ARHGAP42: variants seen among roughly 807,000 people sequenced by gnomAD.
ARHGAP42 encodes Rho GTPase activating protein 42, also known as rho GTPase-activating protein 42.
A neutral mutation model predicts 125.0 loss-of-function variants in ARHGAP42; 63 were observed. The observed-to-expected ratio is 0.50, with a 90% CI of 0.41 to 0.62. The LOEUF is 0.62. Among genes scored for constraint, ARHGAP42 ranks in the 20% least tolerant of loss-of-function variants. The probability of loss-of-function intolerance (pLI) is 0.00; values close to 1 mark genes in which losing one functional copy is unlikely to be tolerated. For missense variants in ARHGAP42, 766 were observed against 1,024.2 expected (o/e 0.75, Z 3.44); for synonymous variants, 339 against 351.0 (o/e 0.97, Z 0.38).
At chr11:100,758,279 A>G (rs552229661) in intron 1 of ARHGAP42, among the ~76,000 whole-genome samples, 65 of 152,270 alleles carry the variant, frequency 4.3e-4, no homozygotes, top group Non-Finnish European at 7.8e-4. Context: ...GGATCCGGGA[A>G]TGTTTTTGTT....
At chr11:100,777,354 A>G (rs1360722771) in intron 2 of ARHGAP42, among the ~76,000 whole-genome samples, 1 of 152,210 alleles carries the variant, frequency 6.6e-6, no homozygotes, top group Admixed American at 6.5e-5. Flanking sequence ...TGATCTGTAG[A>G]TAGAAGCCTG....
chr11:100,796,768 CT>C (rs35175302), intron 3 of ARHGAP42, among the ~76,000 whole-genome samples: 62,496 of 118,738 alleles, frequency 0.53, 16,421 homozygotes, highest in South Asian at 0.68. Context: ...CTTTTTAATT[CT>C]TTTTTTTTTT....
At chr11:100,811,604 A>T (rs987136115) in intron 3 of ARHGAP42, among the ~76,000 whole-genome samples, 1 of 149,986 alleles carries the variant, frequency 6.7e-6, no homozygotes, top group Admixed American at 6.7e-5. Flanking sequence ...GGCTCAAGTG[A>T]TTCTTCTGCC....
intron 8 of ARHGAP42, among the ~76,000 whole-genome samples, chr11:100,937,306 T>C (rs1171399338): frequency 6.6e-6 from 1 of 152,186 alleles, no homozygotes; most frequent in Non-Finnish European, 1.5e-5. Context: ...GGGTACTCTA[T>C]AGTTAGCGCA....
intron 1 of ARHGAP42, among the ~76,000 whole-genome samples, chr11:100,693,162 T>TG (rs1430368657): frequency 6.7e-6 from 1 of 149,232 alleles, no homozygotes; most frequent in Non-Finnish European, 1.5e-5. Flanking sequence ...GCACGTAGGT[T>TG]TTTTTTTTTT....
chr11:100,916,480 G>A lies in ARHGAP42; in HGVS notation c.486+2927G>A, dbSNP rs115728943. Among the ~76,000 whole-genome samples, 1,270 of 152,144 alleles carry A rather than the reference G, an allele frequency of 8.3e-3. 19 individuals carry two copies. The highest frequency in any genetic ancestry group is 0.029 in the African/African-American group (1,199 of 41,518). ...AAGGCAAACAGGCATTGACTAAGGA[G>A]GAAATATAAACTATAATAAAAGTGG... On this transcript the variant is annotated intron_variant, in intron 5 of 23. Transcript: ENST00000298815.
At chr11:100,831,908 T>C (rs1864671237) in intron 3 of ARHGAP42, among the ~76,000 whole-genome samples, 1 of 152,236 alleles carries the variant, frequency 6.6e-6, no homozygotes, top group Non-Finnish European at 1.5e-5. Context: ...GACAGGAACT[T>C]CAGAACAAAA....
At chr11:100,765,778 C>G (rs1295039685) in intron 1 of ARHGAP42, among the ~76,000 whole-genome samples, 1 of 152,160 alleles carries the variant, frequency 6.6e-6, no homozygotes, top group Admixed American at 6.6e-5. Flanking sequence ...ACACATATAT[C>G]GAGACAGATT....
intron 3 of ARHGAP42, among the ~76,000 whole-genome samples, chr11:100,851,436 G>GC (rs1453182355): frequency 1.3e-5 from 2 of 152,154 alleles, no homozygotes; most frequent in Non-Finnish European, 2.9e-5. Context: ...CATCATAGCT[G>GC]CCTTAACATC....
At chr11:100,831,106 A>T (rs891808701) in intron 3 of ARHGAP42, among the ~76,000 whole-genome samples, 4 of 152,110 alleles carry the variant, frequency 2.6e-5, no homozygotes, top group Admixed American at 6.5e-5. Flanking sequence ...TCCTGTTTCC[A>T]CTATGTTCTA....
chr11:100,855,685 T>C (rs571416692), intron 3 of ARHGAP42, among the ~76,000 whole-genome samples: 46 of 152,180 alleles, frequency 3.0e-4, no homozygotes, highest in African/African-American at 1.0e-3. Flanking sequence ...TTAGAACCAC[T>C]TGAAATAGCA....
At chr11:100,948,793 CTCA>C (rs1370076203) in intron 11 of ARHGAP42, among the ~76,000 whole-genome samples, 2 of 152,078 alleles carry the variant, frequency 1.3e-5, no homozygotes, top group Non-Finnish European at 2.9e-5. Flanking sequence ...ATTACTTACA[CTCA>C]TCACCTTGGC....
chr11:100,907,179 A>T (rs1242882871), intron 4 of ARHGAP42, among the ~76,000 whole-genome samples: 4 of 152,224 alleles, frequency 2.6e-5, no homozygotes. Flanking sequence ...AGAGCATCCA[A>T]CTGATATAAT....
intron 1 of ARHGAP42, among the ~76,000 whole-genome samples, chr11:100,690,655 GGT>G (rs1277515900): frequency 3.3e-5 from 5 of 152,112 alleles, no homozygotes; most frequent in Non-Finnish European, 5.9e-5. Flanking sequence ...GGAGTGCAGT[GGT>G]GCGATCTCGG....
chr11:100,822,966 G>T (rs1304818759), intron 3 of ARHGAP42, among the ~76,000 whole-genome samples: 3 of 152,038 alleles, frequency 2.0e-5, no homozygotes, highest in Non-Finnish European at 4.4e-5. Flanking sequence ...GTGTTTGCTG[G>T]TACTCTCATG....
At chr11:100,887,969 C>G (rs954072462) in intron 4 of ARHGAP42, among the ~76,000 whole-genome samples, 3 of 152,216 alleles carry the variant, frequency 2.0e-5, no homozygotes, top group Admixed American at 1.3e-4. Context: ...TATCCAATCC[C>G]GCTTCTGGAG....
intron 10 of ARHGAP42, among the ~76,000 whole-genome samples, chr11:100,944,155 CATGAAGGAAT>C (rs1867956008): frequency 6.6e-6 from 1 of 151,996 alleles, no homozygotes; most frequent in African/African-American, 2.4e-5. Context: ...TCCCCATCAT[CATGAAGGAAT>C]CCAATGGCAT....
At chr11:100,771,163 C>T (rs2134990543) in intron 2 of ARHGAP42, among the ~76,000 whole-genome samples, 1 of 152,220 alleles carries the variant, frequency 6.6e-6, no homozygotes, top group Non-Finnish European at 1.5e-5. Context: ...GTTGCAGATG[C>T]AGAACATTAC....
At chr11:100,717,945 C>T (rs978264613) in intron 1 of ARHGAP42, among the ~76,000 whole-genome samples, 60 of 147,304 alleles carry the variant, frequency 4.1e-4, no homozygotes, top group African/African-American at 1.4e-3. Flanking sequence ...AAAAAGACAC[C>T]GTAGTGTATT....
Sources: gnomAD v4.1 joint callset for allele counts (sites outside exome capture counted in the v4.1 genomes callset) on GRCh38, gnomAD v4.1.1 for gene constraint, MANE v1.5 for transcripts, NCBI Gene and HGNC (gene_info 2026-07-23, HGNC 2026-07-21) for gene names.